The following BCAS3 variants were observed in gnomAD, a reference collection of about 807,000 sequenced individuals.
BCAS3 encodes the protein BCAS3 microtubule associated cell migration factor, also known as BCAS4/BCAS3 fusion.
A neutral mutation model predicts 116.1 loss-of-function variants in BCAS3; 53 were observed. That is an observed-to-expected ratio of 0.46 (90% CI 0.37 to 0.57). The LOEUF (loss-of-function observed/expected upper bound fraction) is 0.57, where lower values mean the gene tolerates loss of function less well. Ranked by LOEUF, BCAS3 falls within the 20% of genes least tolerant of loss-of-function variation. The probability of loss-of-function intolerance (pLI) is 0.00; values close to 1 mark genes in which losing one functional copy is unlikely to be tolerated. For synonymous variants in BCAS3, 391 were observed against 408.2 expected (o/e 0.96, Z 0.51); for missense variants, 917 against 1,165.4 (o/e 0.79, Z 3.10).
At position 61,122,717 on chromosome 17, in the gene BCAS3, A is replaced by AAAAAC. The variant is rs974066459; in HGVS notation, c.2425+38168_2425+38172dup. 6.6e-6 allele frequency among the ~76,000 whole-genome samples: 1 copy of AAAAAC among 152,188 alleles called. No homozygotes were observed. Among genetic ancestry groups the AAAAAC allele is most frequent in the Non-Finnish European group, 1.5e-5 (1 of 68,032 alleles). ...CATGCTGAATTTTCCCACATAGACA[A>AAAAAC]AAAACAAAACAAAACAAAAAACCAT... On this transcript the variant is annotated intron_variant, in intron 22 of 23. Coordinates refer to ENST00000407086, the MANE Select transcript of BCAS3 (RefSeq NM_017679.5). The surrounding 1 kb of genome is among the most constrained non-coding windows in gnomAD (Gnocchi z 4.6).
At chr17:60,845,570 A>G (rs1012936482) in intron 7 of BCAS3, among the ~76,000 whole-genome samples, 1 of 152,220 alleles carries the variant, frequency 6.6e-6, no homozygotes, top group Non-Finnish European at 1.5e-5. Flanking sequence ...ATTCTAAAAC[A>G]TTTATTGACG....
intron 22 of BCAS3, among the ~76,000 whole-genome samples, chr17:61,090,637 T>C (rs1019234414): frequency 3.9e-5 from 6 of 152,122 alleles, no homozygotes; most frequent in African/African-American, 1.2e-4. Flanking sequence ...GATTTAAACA[T>C]TCCTCTTATT....
At chr17:61,123,086 C>T (rs564609609) in intron 22 of BCAS3, among the ~76,000 whole-genome samples, 13 of 151,952 alleles carry the variant, frequency 8.6e-5, no homozygotes, top group East Asian at 1.9e-4. Context: ...GGACTACAGG[C>T]GCCCACCACC....
chr17:61,050,875 C>A lies in BCAS3; in HGVS notation c.2029+9983C>A, dbSNP rs183344508. The stretch of plus-strand genomic sequence containing the variant: ...TATGGACCAATATAGGGAATCTTCT[C>A]GGCTCTAAAACAAATCCCAGTAAAT... On this transcript the variant is annotated intron_variant, in intron 19 of 23. Coordinates refer to ENST00000407086, the MANE Select transcript of BCAS3 (RefSeq NM_017679.5). Among the ~76,000 whole-genome samples the A allele has an allele frequency of 8.9e-4, 135 of 152,024 alleles. 2 individuals carry two copies. The highest frequency in any genetic ancestry group is 2.0e-3 in the Admixed American group (30 of 15,268).
At chr17:61,027,636 T>A (rs945648987) in intron 16 of BCAS3, among the ~76,000 whole-genome samples, 1 of 151,952 alleles carries the variant, frequency 6.6e-6, no homozygotes, top group Non-Finnish European at 1.5e-5. Flanking sequence ...ATAAAATGTT[T>A]AATGGTTAAG....
intron 15 of BCAS3, chr17:61,003,656 C>A (rs1568092303): frequency 6.6e-6 from 1 of 152,102 alleles, no homozygotes; most frequent in Non-Finnish European, 1.5e-5. Context: ...TTGAAAAATA[C>A]TGAGGCCTAG....
At position 61,368,476 on chromosome 17, in the gene BCAS3, G is replaced by T. The variant is rs757785563; in HGVS notation, c.2575G>T (p.Val859Phe). 3 of 1,607,662 alleles carry T rather than the reference G, an allele frequency of 1.9e-6. No individual in the cohort carries two copies. The highest frequency in any genetic ancestry group is 2.2e-5 in the East Asian group (1 of 44,626). Residue 859 changes from valine to phenylalanine, a missense_variant, in exon 23 of 24, where the codon GTC (valine) becomes TTC (phenylalanine). By Grantham distance (50) the Val-to-Phe change is conservative. Transcript: ENST00000407086. The surrounding 1 kb of genome is among the most constrained non-coding windows in gnomAD (Gnocchi z 6.0). ...CATGGCCGAGTCACCTAGCCGGGAC[G>T]TCGTGGGATCCGGAACAGGTAAAGG... The part of the protein sequence containing the change: ...DAMAESPSRD[V>F]VGSGTELQRE...
At chr17:60,863,931 G>A (rs941387953) in intron 7 of BCAS3, among the ~76,000 whole-genome samples, 11 of 152,104 alleles carry the variant, frequency 7.2e-5, no homozygotes, top group Non-Finnish European at 1.5e-4. Flanking sequence ...TACCCCTTAC[G>A]GGGCTCTTTC....
intron 22 of BCAS3, among the ~76,000 whole-genome samples, chr17:61,187,434 A>G (rs560478836): frequency 2.0e-5 from 3 of 152,334 alleles, no homozygotes; most frequent in Admixed American, 2.0e-4. Context: ...CAACAGAGTT[A>G]CCCATGTTGC....
rs758785492 is a variant in BCAS3, at chr17:61,356,549, G to A, written c.2426-11778G>A. Among the ~76,000 whole-genome samples, 1 of 152,188 alleles carries A rather than the reference G, an allele frequency of 6.6e-6. No individual in the cohort carries two copies. The highest frequency in any genetic ancestry group is 2.4e-5 in the African/African-American group (1 of 41,446). ...TGATGACTGATCTCTTGGGCTCACA[G>A]CCCTGCTCAATGACCTCATGATGTG... On this transcript the variant is annotated intron_variant, in intron 22 of 23. Transcript: ENST00000407086. This position sits in a 1 kb window ranked among gnomAD's most constrained non-coding sequence, Gnocchi z 5.4.
chr17:60,859,985 A>G (rs2054022097), intron 7 of BCAS3, among the ~76,000 whole-genome samples: 1 of 152,238 alleles, frequency 6.6e-6, no homozygotes, highest in African/African-American at 2.4e-5. Context: ...TCTTTATGGT[A>G]GAATGATTGA....
intron 3 of BCAS3, chr17:60,687,929 TC>T (rs879874512): frequency 6.6e-6 from 1 of 152,120 alleles, no homozygotes; most frequent in African/African-American, 2.4e-5. Context: ...AAGACTTATT[TC>T]CCCCTCACAG....
At chr17:60,754,727 A>ACG (rs1227303590) in intron 6 of BCAS3, among the ~76,000 whole-genome samples, 1 of 11,406 alleles carries the variant, frequency 8.8e-5, no homozygotes, top group African/African-American at 1.0e-4. Context: ...ACACACACAC[A>ACG]CACACACACA....
In BCAS3 at chr17:61,343,990, T is replaced by G. The variant is rs2057348834; in HGVS notation, c.2426-24337T>G. 1.3e-5 allele frequency among the ~76,000 whole-genome samples: 2 copies of G among 152,164 alleles called. No individual in the cohort carries two copies. The highest frequency in any genetic ancestry group is 2.9e-5 in the Non-Finnish European group (2 of 68,018). ...GGCTGGATGTGGGCTTGGGTAGAGT[T>G]GGCCAGATGAAATGTGGTTGGCAAG... On this transcript the variant is annotated intron_variant, in intron 22 of 23. Coordinates refer to ENST00000407086, the MANE Select transcript of BCAS3 (RefSeq NM_017679.5). This position sits in a 1 kb window ranked among gnomAD's most constrained non-coding sequence, Gnocchi z 5.5.
chr17:61,184,513 G>A (rs183465611), intron 22 of BCAS3, among the ~76,000 whole-genome samples: 2 of 152,220 alleles, frequency 1.3e-5, no homozygotes, highest in East Asian at 3.9e-4. Flanking sequence ...TTTGGGGAAT[G>A]CAAAATGGTA....
chr17:61,262,176 A>G (rs1324443923), intron 22 of BCAS3, among the ~76,000 whole-genome samples: 1 of 152,170 alleles, frequency 6.6e-6, no homozygotes, highest in African/African-American at 2.4e-5. Context: ...TGCTGGATAC[A>G]GAATTTGAGG....
In BCAS3 at chr17:61,220,191, G is replaced by A. The variant is rs2082033039; in HGVS notation, c.2425+135627G>A. ...CGCCTCTAATCCCAGCTACTCAGGA[G>A]GCTGAGGCAGGAGAGTCGCTTGAAT... On this transcript the variant is annotated intron_variant, in intron 22 of 23. Coordinates refer to ENST00000407086, the MANE Select transcript of BCAS3 (RefSeq NM_017679.5). This position sits in a 1 kb window ranked among gnomAD's most constrained non-coding sequence, Gnocchi z 4.5. Among the ~76,000 whole-genome samples, 2 of 152,138 alleles carry A rather than the reference G, an allele frequency of 1.3e-5. No individual in the cohort carries two copies. The highest frequency in any genetic ancestry group is 1.3e-4 in the Admixed American group (2 of 15,278).
At chr17:60,743,465 A>G (rs776993492) in intron 5 of BCAS3, among the ~76,000 whole-genome samples, 4 of 150,640 alleles carry the variant, frequency 2.7e-5, no homozygotes, top group Admixed American at 2.6e-4. Context: ...TATACTTAGG[A>G]TGTATGTATT....
At position 61,366,008 on chromosome 17, in the gene BCAS3, T is replaced by C. The variant is rs535730834; in HGVS notation, c.2426-2319T>C. Among the ~76,000 whole-genome samples, 1 of 152,160 alleles carries C rather than the reference T, an allele frequency of 6.6e-6. No individual in the cohort carries two copies. The highest frequency in any genetic ancestry group is 2.1e-4 in the South Asian group (1 of 4,818). On this transcript the variant is annotated intron_variant, in intron 22 of 23. Coordinates refer to ENST00000407086, the MANE Select transcript of BCAS3 (RefSeq NM_017679.5). This position sits in a 1 kb window ranked among gnomAD's most constrained non-coding sequence, Gnocchi z 4.5. Reference sequence around the variant, plus strand: ...AAACACAAAAATTAGCCAGGCATGATGGCACATGCTTGTAGTCCCAGCTAC... The same window carrying C: ...AAACACAAAAATTAGCCAGGCATGACGGCACATGCTTGTAGTCCCAGCTAC...
Sources: allele counts gnomAD v4.1 joint callset (sites outside exome capture counted in the v4.1 genomes callset), GRCh38; gene constraint gnomAD v4.1.1; non-coding constraint Gnocchi (gnomAD v3.1); transcripts MANE v1.5; gene names NCBI Gene and HGNC (gene_info 2026-07-23, HGNC 2026-07-21).